The following ABCA12 variants were observed in gnomAD, a reference collection of about 807,000 sequenced individuals.
ABCA12 encodes ATP binding cassette subfamily A member 12.
Under a neutral mutation model 293.5 loss-of-function variants are expected in ABCA12, and 156 were observed. The observed-to-expected ratio is 0.53, with a 90% CI of 0.47 to 0.61. The LOEUF (loss-of-function observed/expected upper bound fraction) is 0.61, where lower values mean the gene tolerates loss of function less well. Among genes scored for constraint, ABCA12 ranks in the 20% least tolerant of loss-of-function variants. ABCA12 has a pLI of 0.00. For synonymous variants in ABCA12, 1,063 were observed against 1,108.0 expected (o/e 0.96, Z 0.81); for missense variants, 2,797 against 3,090.2 (o/e 0.91, Z 2.25).
intron 1 of ABCA12, among the ~76,000 whole-genome samples, chr2:215,115,530 AG>A (rs1559202874): frequency 6.6e-6 from 1 of 152,156 alleles, no homozygotes; most frequent in East Asian, 1.9e-4. Context: ...CAGTGTTTAA[AG>A]GTTTAGTATT....
At chr2:214,943,691 C>T (rs934076216) in intron 49 of ABCA12, among the ~76,000 whole-genome samples, 4 of 152,158 alleles carry the variant, frequency 2.6e-5, no homozygotes, top group Admixed American at 6.5e-5. Context: ...CATTATGCTA[C>T]GTACCCCATA....
Position 214,998,184 on chromosome 2 carries a change from C to T in ABCA12, c.3180-375G>A, listed in dbSNP as rs111789862. 1.5e-4 allele frequency among the ~76,000 whole-genome samples: 23 copies of T among 152,172 alleles called. 1 individual carries two copies. The highest frequency in any genetic ancestry group is 4.1e-4 in the African/African-American group (17 of 41,516). On this transcript the variant is annotated intron_variant, in intron 22 of 52. Transcript: ENST00000272895. Reference sequence around the variant, plus strand: ...TCTAAAAGGCAGATTTAAAATGAGACGATGATTGGTTTACCTAACTAAAAG... The same window carrying T: ...TCTAAAAGGCAGATTTAAAATGAGATGATGATTGGTTTACCTAACTAAAAG...
At chr2:215,118,083 A>G (rs1489693739) in intron 1 of ABCA12, among the ~76,000 whole-genome samples, 1 of 152,144 alleles carries the variant, frequency 6.6e-6, no homozygotes, top group Non-Finnish European at 1.5e-5. Context: ...ATACTAGAGT[A>G]GCCTGAGGCT....
intron 22 of ABCA12, chr2:214,999,901 A>G (rs1296169423): frequency 1.2e-6 from 1 of 823,408 alleles, no homozygotes. Context: ...AGAGAAAAGA[A>G]AAATCCAATA....
At position 214,935,056 on chromosome 2, in the gene ABCA12, T is replaced by C. The variant is rs146431242; in HGVS notation, c.7543-841A>G. Among the ~76,000 whole-genome samples, 1,009 of 152,298 alleles carry C rather than the reference T, an allele frequency of 6.6e-3. 19 individuals carry two copies. The highest frequency in any genetic ancestry group is 0.023 in the African/African-American group (949 of 41,572). On this transcript the variant is annotated intron_variant, in intron 51 of 52. Coordinates refer to ENST00000272895, the MANE Select transcript of ABCA12 (RefSeq NM_173076.3). ...ATTTTCTTATTCCAGAATCTACCCCTGTGACGCCAGTGCATCAGATCATGA... is the reference window on the plus strand; with the variant it reads ...ATTTTCTTATTCCAGAATCTACCCCCGTGACGCCAGTGCATCAGATCATGA...
intron 2 of ABCA12, among the ~76,000 whole-genome samples, chr2:215,095,333 A>C (rs1702229244): frequency 6.6e-6 from 1 of 152,164 alleles, no homozygotes; most frequent in Admixed American, 6.5e-5. Context: ...CCCAATTCTT[A>C]GTCCTTTAAA....
At chr2:215,034,054 T>G (rs1445465619) in intron 8 of ABCA12, among the ~76,000 whole-genome samples, 1 of 152,212 alleles carries the variant, frequency 6.6e-6, no homozygotes, top group Non-Finnish European at 1.5e-5. Context: ...TTTTTATCAG[T>G]AAGGATTTCT....
intron 3 of ABCA12, among the ~76,000 whole-genome samples, chr2:215,063,548 C>T (rs972227754): frequency 6.6e-6 from 1 of 151,978 alleles, no homozygotes; most frequent in Admixed American, 6.6e-5. Flanking sequence ...GTAGAACATG[C>T]ATTAACCTCA....
intron 52 of ABCA12, among the ~76,000 whole-genome samples, chr2:214,933,687 C>A (rs1354737850): frequency 6.6e-6 from 1 of 152,114 alleles, no homozygotes; most frequent in African/African-American, 2.4e-5. Context: ...AGGTCTGACA[C>A]CAAATTCTAA....
At chr2:214,954,283 T>A (rs1345956737) in intron 43 of ABCA12, among the ~76,000 whole-genome samples, 176 bp from the exon 44 acceptor site, 3 of 152,168 alleles carry the variant, frequency 2.0e-5, no homozygotes, top group Non-Finnish European at 4.4e-5. Flanking sequence ...AAATGGTGGA[T>A]GTTTATCACT....
chr2:215,071,925 G>A (rs1286383341), intron 2 of ABCA12, among the ~76,000 whole-genome samples: 1 of 152,176 alleles, frequency 6.6e-6, no homozygotes, highest in Non-Finnish European at 1.5e-5. Flanking sequence ...AACCGCTGTA[G>A]TGTTTAAATT....
intron 36 of ABCA12, among the ~76,000 whole-genome samples, chr2:214,973,086 A>G (rs945063291): frequency 2.0e-5 from 3 of 152,140 alleles, no homozygotes; most frequent in African/African-American, 7.2e-5. Flanking sequence ...CAGCCTCCCA[A>G]TGTGCTGGGA....
chr2:214,990,714 C>G lies in ABCA12; in HGVS notation c.3612G>C (p.Leu1204Phe). The G allele has an allele frequency of 2.5e-6, 4 of 1,614,008 alleles. No individual in the cohort carries two copies. Among genetic ancestry groups the G allele is most frequent in the Non-Finnish European group, 3.4e-6 (4 of 1,179,934 alleles). The change falls in exon 24 of 53, where the codon TTG becomes TTC. Residue 1204 changes from leucine (L) to phenylalanine (F), a missense_variant. Physicochemically the swap from Leu to Phe is conservative, Grantham distance 22. Transcript: ENST00000272895. ...ACGGTTGACTTACCATGAACACTTTCAATACATAGCTCAACTCATTCTCCA... is the reference window on the plus strand; with the variant it reads ...ACGGTTGACTTACCATGAACACTTTGAATACATAGCTCAACTCATTCTCCA... ...VTVENELSYV[L>F]KVFMSLLSPT...
chr2:215,118,364 T>C (rs1182883508), intron 1 of ABCA12, among the ~76,000 whole-genome samples: 2 of 152,106 alleles, frequency 1.3e-5, no homozygotes, highest in Non-Finnish European at 2.9e-5. Flanking sequence ...ATCTTGCCAC[T>C]GCATGCCAGC....
At chr2:215,040,818 CAAACAAAA>C (rs199771661) in intron 7 of ABCA12, among the ~76,000 whole-genome samples, 3 of 148,002 alleles carry the variant, frequency 2.0e-5, no homozygotes, top group South Asian at 2.1e-4. Context: ...TCTCAAAAAA[CAAACAAAA>C]AAACAAAAAA....
intron 7 of ABCA12, among the ~76,000 whole-genome samples, chr2:215,040,837 A>T (rs28881936): frequency 0.084 from 12,831 of 152,042 alleles, 1,512 homozygotes; most frequent in African/African-American, 0.27. Context: ...AAACAAAAAA[A>T]CAAAATGTTA....
In ABCA12 at chr2:215,071,460, A is replaced by T. The variant is rs184130810; in HGVS notation, c.164-7241T>A. On this transcript the variant is annotated intron_variant, in intron 2 of 52. Transcript: ENST00000272895. ...ATAAAATGCCAGAGATGGATCTAGA[A>T]CTATATGATAGATTACAGTAATGAA... Among the ~76,000 whole-genome samples the T allele has an allele frequency of 2.6e-5, 4 of 152,284 alleles. 1 individual carries two copies. The highest frequency in any genetic ancestry group is 2.0e-4 in the Admixed American group (3 of 15,296).
At chr2:215,129,617 A>G (rs1703009260) in intron 1 of ABCA12, among the ~76,000 whole-genome samples, 1 of 152,120 alleles carries the variant, frequency 6.6e-6, no homozygotes, top group African/African-American at 2.4e-5. Context: ...TTCGTTATAG[A>G]TTCTAGATAT....
At chr2:215,067,196 G>A (rs575362090) in intron 2 of ABCA12, among the ~76,000 whole-genome samples, 3 of 152,202 alleles carry the variant, frequency 2.0e-5, no homozygotes, top group South Asian at 4.1e-4. Flanking sequence ...TTCTATCCTT[G>A]AAGGTGTTTC....
Sources: allele counts gnomAD v4.1 joint callset (sites outside exome capture counted in the v4.1 genomes callset), GRCh38; gene constraint gnomAD v4.1.1; transcripts MANE v1.5; gene names NCBI Gene and HGNC (gene_info 2026-07-23, HGNC 2026-07-21).